The following EHBP1L1 variants were observed in gnomAD, a reference collection of about 807,000 sequenced individuals.
EHBP1L1 encodes the protein EH domain binding protein 1 like 1, also known as EH domain-binding protein 1-like protein 1.
Under a neutral mutation model 151.1 loss-of-function variants are expected in EHBP1L1, and 122 were observed. That is an observed-to-expected ratio of 0.81 (90% CI 0.70 to 0.94). The LOEUF (loss-of-function observed/expected upper bound fraction) is 0.94. Ranked by LOEUF, EHBP1L1 falls within the 40% of genes least tolerant of loss-of-function variation. The pLI is 0.00. For missense variants in EHBP1L1, 1,941 were observed against 1,959.8 expected, an observed-to-expected ratio of 0.99 and a Z score of 0.18; for synonymous variants, 878 against 810.1, an observed-to-expected ratio of 1.08 and a Z score of -1.42.
chr11:65,583,716 C>T lies in EHBP1L1; in HGVS notation c.3044C>T (p.Ala1015Val). ...GGGGCAGGGGCTGGGGCGCCCAGGG[C>T]CTCTTCCCCAGAGAAGGCTGAAGAG... ...ASGAGAGAPR[A>V]SSPEKAEEDR... The change falls in exon 9 of 19, where the codon GCC (alanine) becomes GTC (valine). Residue 1015 changes from alanine to valine, a missense_variant. Transcript: ENST00000309295. The T allele has an allele frequency of 6.5e-7, 1 of 1,549,732 alleles. No homozygotes were observed. Among genetic ancestry groups the T allele is most frequent in the Non-Finnish European group, 8.7e-7 (1 of 1,149,288 alleles).
Position 65,579,451 on chromosome 11 carries a change from C to T in EHBP1L1, c.258+15C>T, listed in dbSNP as rs1268510397. 1.4e-6 allele frequency: 2 copies of T among 1,465,280 alleles called. No homozygotes were observed. Among genetic ancestry groups the T allele is most frequent in the Non-Finnish European group, 1.8e-6 (2 of 1,102,016 alleles). 90.8% of individuals were successfully genotyped at this position (1,465,280 alleles called of 1,614,324 possible). A position where few individuals can be genotyped will look rare whatever the true frequency, so the allele number is the denominator to read the frequency against. ...CCCTCTACAGGGTGAGTCTCTAGCCCTCCAGCATGGATGGCAATTGCAACA... is the reference window on the plus strand; with the variant it reads ...CCCTCTACAGGGTGAGTCTCTAGCCTTCCAGCATGGATGGCAATTGCAACA... On this transcript the variant is annotated intron_variant, in intron 3 of 18. Coordinates refer to ENST00000309295, the MANE Select transcript of EHBP1L1 (RefSeq NM_001099409.3).
chr11:65,591,782 C>A lies in EHBP1L1; in HGVS notation c.4284-18C>A, dbSNP rs1421545785. 1.3e-6 allele frequency: 2 copies of A among 1,491,550 alleles called. No individual in the cohort carries two copies. The highest frequency in any genetic ancestry group is 1.8e-6 in the Non-Finnish European group (2 of 1,097,446). The allele number at this position is 1,491,550 out of a possible 1,614,324, so 92.4% of individuals were successfully genotyped here. On this transcript the variant is annotated intron_variant, in intron 16 of 18. Transcript: ENST00000309295. ...TGAACTGCCACCCCCCCGCCACCCA[C>A]CCCCCGCCACCTTCCAGCATGGAGG...
intron 16 of EHBP1L1, among the ~76,000 whole-genome samples, chr11:65,590,834 A>C (rs1858236908): frequency 6.6e-6 from 1 of 150,858 alleles, no homozygotes; most frequent in Admixed American, 6.6e-5. Flanking sequence ...TCAGGAGTTC[A>C]AGACCAGCCA....
Position 65,586,034 on chromosome 11 carries a change from C to T in EHBP1L1, c.3933+443C>T, listed in dbSNP as rs1857952624. On this transcript the variant is annotated intron_variant, in intron 12 of 18. Transcript: ENST00000309295. ...CAGGTGGCTCATCGTTAACCAGCAG[C>T]CACCCTGCCCCATGAGCTGGGTGCA... Among the ~76,000 whole-genome samples, 3 of 152,216 alleles carry T rather than the reference C, an allele frequency of 2.0e-5. No homozygotes were observed. The South Asian group carries it at 6.2e-4, about 31-fold the overall frequency.
In EHBP1L1 at chr11:65,583,606, G is replaced by A. The variant is rs781048928; in HGVS notation, c.2934G>A (p.Glu978=). 23 of 1,610,084 alleles carry A rather than the reference G, an allele frequency of 1.4e-5. No individual in the cohort carries two copies. The highest frequency in any genetic ancestry group is 1.8e-5 in the Non-Finnish European group (21 of 1,178,162). Residue 978 remains glutamate, a synonymous_variant, in exon 9 of 19, where the codon GAG becomes GAA. Transcript: ENST00000309295. ...KSGTFKAQEA[E]AGVLGNEKGK... ...GTACTTTTAAGGCCCAGGAAGCGGAGGCTGGGGTCTTGGGAAATGAGAAGG... is the reference window on the plus strand; with the variant it reads ...GTACTTTTAAGGCCCAGGAAGCGGAAGCTGGGGTCTTGGGAAATGAGAAGG...
intron 16 of EHBP1L1, 29 bp from the exon 17 acceptor site, chr11:65,591,771 C>G (rs774130231): frequency 9.9e-6 from 9 of 904,664 alleles, no homozygotes; most frequent in Non-Finnish European, 1.6e-5. Context: ...CTGCCACCCC[C>G]CCGCCACCCA....
At position 65,581,327 on chromosome 11, in the gene EHBP1L1, G is replaced by A. The variant is rs773477433; in HGVS notation, c.820G>A (p.Val274Ile). Residue 274 changes from valine (V) to isoleucine (I), a missense_variant, in exon 8 of 19, where the codon GTA becomes ATA. Transcript: ENST00000309295. ...SERANEAGGQ[V>I]GPEAPRPPET... is the part of the protein sequence containing the mutation. ...ACGAGCTAATGAAGCGGGGGGCCAGGTAGGCCCTGAGGCCCCAAGGCCCCC... is the reference window on the plus strand; with the variant it reads ...ACGAGCTAATGAAGCGGGGGGCCAGATAGGCCCTGAGGCCCCAAGGCCCCC... The A allele has an allele frequency of 7.5e-5, 121 of 1,607,780 alleles. No homozygotes were observed. The highest frequency in any genetic ancestry group is 9.7e-5 in the Non-Finnish European group (114 of 1,177,822).
chr11:65,582,377 G>T lies in EHBP1L1; in HGVS notation c.1705G>T (p.Asp569Tyr), dbSNP rs1346550860. 6.3e-7 allele frequency: 1 copy of T among 1,597,110 alleles called. No individual in the cohort carries two copies. The stretch of plus-strand genomic sequence containing the variant: ...GGAGGCAGAAGCTGGGGGTTCAGGG[G>T]ACCTGGAAACAGAGACTGAGGTGGT... ...GWEAEAGGSG[D>Y]LETETEVVGL... The change falls in exon 9 of 19, where the codon GAC becomes TAC. Residue 569 changes from aspartate (D) to tyrosine (Y), a missense_variant. Asp to Tyr is a radical substitution (Grantham distance 160, BLOSUM62 -3). Transcript: ENST00000309295.
intron 6 of EHBP1L1, 68 bp from the exon 7 acceptor site, chr11:65,580,989 AG>A (rs1857575347): frequency 6.5e-7 from 1 of 1,529,278 alleles, no homozygotes; most frequent in African/African-American, 1.4e-5. Flanking sequence ...TAGTTGGGGG[AG>A]GGGGTCAGGC....
At position 65,581,060 on chromosome 11, in the gene EHBP1L1, C is replaced by T; in HGVS notation, c.637C>T (p.Pro213Ser). 1 of 1,607,668 alleles carries T rather than the reference C, an allele frequency of 6.2e-7. No homozygotes were observed. Among genetic ancestry groups the T allele is most frequent in the Non-Finnish European group, 8.5e-7 (1 of 1,177,246 alleles). ...CTCCCCTCTCCTACCATTCCCAGAT[C>T]CCTCTCGAGAGCTGAAGACGCTTTG... ...EARARVPQPD[P>S]SRELKTLCEE... The change falls in exon 7 of 19, where the codon CCC becomes TCC. Residue 213 changes from proline to serine, a missense_variant and splice_region_variant. Transcript: ENST00000309295.
intron 6 of EHBP1L1, 121 bp downstream of exon 6, chr11:65,580,600 C>A: frequency 7.6e-7 from 1 of 1,307,298 alleles, no homozygotes; most frequent in East Asian, 2.4e-5. Flanking sequence ...CCAGGCAGTC[C>A]CAACCAACCC....
At chr11:65,579,562 T>C (rs886588600) in intron 3 of EHBP1L1, 126 bp downstream of exon 3, 22 of 452,862 alleles carry the variant, frequency 4.9e-5, no homozygotes, top group African/African-American at 2.3e-4. Flanking sequence ...GGCCAAGAAT[T>C]AGGGGGGCCT....
rs1168710752 is a variant in EHBP1L1 at position 65,580,260 on chromosome 11, G to A, written c.491+1G>A. 9 of 1,613,364 alleles carry A rather than the reference G, an allele frequency of 5.6e-6. No homozygotes were observed. The Middle Eastern group carries it at 5.0e-4, about 89-fold the overall frequency. ...TGCTGCTGCGGGAGGGCCGTGCCAC[G>A]TGAGTGCCTACCTGCCCTCCTTGAT... On this transcript the variant is annotated splice_donor_variant, in intron 5 of 18. Coordinates refer to ENST00000309295, the MANE Select transcript of EHBP1L1 (RefSeq NM_001099409.3). LOFTEE classifies it high-confidence loss of function.
intron 12 of EHBP1L1, among the ~76,000 whole-genome samples, chr11:65,589,227 A>C (rs1020665965): frequency 6.6e-6 from 1 of 152,222 alleles, no homozygotes; most frequent in Admixed American, 6.5e-5. Flanking sequence ...CAACATGGTG[A>C]AACCCCGTCT....
intron 6 of EHBP1L1, 162 bp from the exon 7 acceptor site, chr11:65,580,892 TTCTC>T (rs1565121372): frequency 7.0e-7 from 1 of 1,422,206 alleles, no homozygotes; most frequent in East Asian, 2.6e-5. Context: ...CTCTCTCTCT[TTCTC>T]TCCACATCTG....
rs1333994337 is a variant in EHBP1L1 at position 65,576,164 on chromosome 11, T to A, written c.-139T>A. The A allele has an allele frequency of 8.3e-6, 5 of 605,008 alleles. No individual in the cohort carries two copies. In the African/African-American group the frequency reaches 9.8e-5, roughly 12 times the overall value. 37.5% of individuals were successfully genotyped at this position (605,008 alleles called of 1,614,324 possible). On this transcript the variant is annotated 5_prime_UTR_variant, in exon 1 of 19. Transcript: ENST00000309295. ...CCAGCGGCGGCAGCGGAGAGCGCGG[T>A]CCCGGGTCGGAGCCTGGGACACCTC...
intron 1 of EHBP1L1, among the ~76,000 whole-genome samples, chr11:65,576,836 C>T (rs984959524): frequency 2.6e-5 from 4 of 151,994 alleles, no homozygotes; most frequent in African/African-American, 9.6e-5. Context: ...AGATGTTGCC[C>T]CCTCCTCCCC....
rs1857742600 is a variant in EHBP1L1, at chr11:65,583,337, G to T, written c.2665G>T (p.Ala889Ser). The stretch of plus-strand genomic sequence containing the variant: ...GGCTCAGACTTCGGGGGTCCAGGAA[G>T]CAGAGACTAGAGTTGGGAGTGCTCT... The part of the protein sequence containing the change: ...EEAQTSGVQE[A>S]ETRVGSALKY... The change falls in exon 9 of 19, where the codon GCA becomes TCA. Residue 889 changes from alanine to serine, a missense_variant. By Grantham distance (99) the Ala-to-Ser change is moderately conservative. Transcript: ENST00000309295. The T allele has an allele frequency of 6.2e-7, 1 of 1,613,724 alleles. No homozygotes were observed. The highest frequency in any genetic ancestry group is 8.5e-7 in the Non-Finnish European group (1 of 1,179,798).
In EHBP1L1 at chr11:65,585,010, G is replaced by T. The variant is rs1325751496; in HGVS notation, c.3352G>T (p.Asp1118Tyr). The T allele has an allele frequency of 3.3e-6, 5 of 1,535,448 alleles. No individual in the cohort carries two copies. Among genetic ancestry groups the T allele is most frequent in the Non-Finnish European group, 4.4e-6 (5 of 1,146,874 alleles). ...CGTGTCGCGGCTGCTGGAGCCCGCG[G>T]ACATGGTGCTACTGTCGGTGCCCGA... Reference protein sequence around the residue: ...LGVSRLLEPADMVLLSVPDKL... With the variant: ...LGVSRLLEPAYMVLLSVPDKL... The change falls in exon 12 of 19, where the codon GAC becomes TAC. Residue 1118 changes from aspartate (D) to tyrosine (Y), a missense_variant. Physicochemically the swap from Asp to Tyr is radical, Grantham distance 160 (BLOSUM62 -3). Transcript: ENST00000309295. The surrounding 1 kb of genome is among the most constrained non-coding windows in gnomAD (Gnocchi z 4.0).
Sources: gnomAD v4.1 joint callset for allele counts (sites outside exome capture counted in the v4.1 genomes callset) on GRCh38, gnomAD v4.1.1 for gene constraint, Gnocchi (gnomAD v3.1) non-coding constraint, MANE v1.5 for transcripts, NCBI Gene and HGNC (gene_info 2026-07-23, HGNC 2026-07-21) for gene names.